Variants in PPP2R2B observed in about 807,000 individuals in gnomAD.
The protein encoded by PPP2R2B is serine/threonine-protein phosphatase 2A 55 kDa regulatory subunit B beta isoform.
A neutral mutation model predicts 46.0 loss-of-function variants in PPP2R2B; 5 were observed. The ratio of observed to expected loss-of-function variants is 0.11; its 90% CI spans 0.06 to 0.23. The LOEUF (loss-of-function observed/expected upper bound fraction) is 0.23. Ranked by LOEUF, PPP2R2B falls within the 10% of genes least tolerant of loss-of-function variation. PPP2R2B has a pLI of 1.00. For synonymous variants in PPP2R2B, 215 were observed against 206.7 expected, an observed-to-expected ratio of 1.04 and a Z score of -0.34; for missense variants, 367 against 575.0, an observed-to-expected ratio of 0.64 and a Z score of 3.70.
At chr5:146,930,378 A>T (rs1269020541) in intron 1 of PPP2R2B, among the ~76,000 whole-genome samples, 1 of 152,148 alleles carries the variant, frequency 6.6e-6, no homozygotes, top group Non-Finnish European at 1.5e-5. Flanking sequence ...GAAAAATAGC[A>T]TTTTTTGTAG....
At chr5:146,811,722 G>A (rs367974709) in intron 2 of PPP2R2B, among the ~76,000 whole-genome samples, 161 of 148,918 alleles carry the variant, frequency 1.1e-3, no homozygotes, top group African/African-American at 3.7e-3. Flanking sequence ...CACCACGCCC[G>A]GCTAATTTTT....
At chr5:146,945,364 A>G (rs1458860572) in intron 1 of PPP2R2B, among the ~76,000 whole-genome samples, 1 of 152,238 alleles carries the variant, frequency 6.6e-6, no homozygotes, top group Non-Finnish European at 1.5e-5. Flanking sequence ...GTGGATAATT[A>G]TTAACCAAAT....
intron 1 of PPP2R2B, among the ~76,000 whole-genome samples, chr5:146,944,066 T>G (rs926172330): frequency 2.0e-5 from 3 of 152,212 alleles, no homozygotes; most frequent in Admixed American, 6.5e-5. Context: ...TCCTCATCCT[T>G]ATCTCTTTAA....
rs750985171 is a variant in PPP2R2B at position 146,691,254 on chromosome 5, C to G, written c.335-14G>C. 2 of 1,607,230 alleles carry G rather than the reference C, an allele frequency of 1.2e-6. No individual in the cohort carries two copies. Among genetic ancestry groups the G allele is most frequent in the South Asian group, 2.2e-5 (2 of 90,860 alleles). ...TCACAGTTTTATCTGTAGTGGGCAA[C>G]CAGATTAAGTCAGAATTATAGTGAA... On this transcript the variant is annotated splice_polypyrimidine_tract_variant and intron_variant, in intron 4 of 9. Coordinates refer to ENST00000394411, the MANE Select transcript of PPP2R2B (RefSeq NM_181675.4).
intron 1 of PPP2R2B, among the ~76,000 whole-genome samples, chr5:146,956,791 C>T (rs1231463017): frequency 3.3e-5 from 5 of 152,156 alleles, no homozygotes; most frequent in Non-Finnish European, 7.4e-5. Flanking sequence ...GATTTGGTGT[C>T]TGATGAGGAC....
intron 1 of PPP2R2B, among the ~76,000 whole-genome samples, chr5:147,039,467 C>A (rs1028088835): frequency 6.6e-6 from 1 of 152,118 alleles, no homozygotes; most frequent in Non-Finnish European, 1.5e-5. Flanking sequence ...GGCTCTACTT[C>A]TGTGCAGGAT....
At chr5:146,698,369 T>C (rs1779330655) in intron 3 of PPP2R2B, among the ~76,000 whole-genome samples, 1 of 134,078 alleles carries the variant, frequency 7.5e-6, no homozygotes, top group African/African-American at 2.8e-5. Flanking sequence ...CATATAATTA[T>C]ACACATGAAC....
chr5:147,016,175 A>T (rs1009446730), intron 1 of PPP2R2B, among the ~76,000 whole-genome samples: 1 of 151,394 alleles, frequency 6.6e-6, no homozygotes, highest in Non-Finnish European at 1.5e-5. Flanking sequence ...TCTCTACAAA[A>T]TTTTTTTAGA....
intron 1 of PPP2R2B, among the ~76,000 whole-genome samples, chr5:146,959,938 C>T (rs188184687): frequency 2.0e-5 from 3 of 152,266 alleles, no homozygotes; most frequent in Admixed American, 1.3e-4. Context: ...ATTTCCCAAG[C>T]TAAGCATTTT....
intron 1 of PPP2R2B, among the ~76,000 whole-genome samples, chr5:147,054,416 A>C (rs761651436): frequency 4.6e-5 from 7 of 152,274 alleles, no homozygotes; most frequent in Non-Finnish European, 7.4e-5. Context: ...TCCACGAGGA[A>C]GAAAAGATTT....
At chr5:146,743,720 G>A (rs993398814) in intron 2 of PPP2R2B, among the ~76,000 whole-genome samples, 8 of 152,126 alleles carry the variant, frequency 5.3e-5, no homozygotes, top group Non-Finnish European at 8.8e-5. Context: ...CTTTGGAATA[G>A]GCCCTTTGCA....
At chr5:146,769,974 C>T (rs1399901487) in intron 2 of PPP2R2B, among the ~76,000 whole-genome samples, 8 of 151,888 alleles carry the variant, frequency 5.3e-5, no homozygotes, top group African/African-American at 1.5e-4. Flanking sequence ...TTTATCAAAA[C>T]GATGTTTGTC....
At chr5:146,684,907 A>G (rs1446835501) in intron 5 of PPP2R2B, among the ~76,000 whole-genome samples, 2 of 152,162 alleles carry the variant, frequency 1.3e-5, no homozygotes, top group Non-Finnish European at 2.9e-5. Flanking sequence ...GCCAGAAATT[A>G]TGTTCTAGGC....
intron 2 of PPP2R2B, among the ~76,000 whole-genome samples, chr5:146,744,594 C>T (rs1399291645): frequency 6.6e-6 from 1 of 152,186 alleles, no homozygotes; most frequent in African/African-American, 2.4e-5. Flanking sequence ...CCTGTGTGCT[C>T]CATCAGCACT....
intron 6 of PPP2R2B, among the ~76,000 whole-genome samples, chr5:146,647,328 A>T (rs1173693580): frequency 8.4e-6 from 1 of 118,454 alleles, no homozygotes; most frequent in African/African-American, 3.0e-5. Context: ...TCCTTTGTGA[A>T]TAAGGGGCAT....
chr5:146,767,078 A>C, intron 2 of PPP2R2B, among the ~76,000 whole-genome samples: 1 of 143,668 alleles, frequency 7.0e-6, no homozygotes, highest in African/African-American at 2.5e-5. Flanking sequence ...AAAAAGGCTC[A>C]GCAGAGACAG....
intron 4 of PPP2R2B, among the ~76,000 whole-genome samples, chr5:146,695,339 G>A (rs767430023): frequency 6.6e-6 from 1 of 151,816 alleles, no homozygotes; most frequent in Non-Finnish European, 1.5e-5. Context: ...AACAAATTCA[G>A]TATACCCCAC....
chr5:146,867,497 T>A (rs319225), intron 2 of PPP2R2B, among the ~76,000 whole-genome samples: 2 of 151,992 alleles, frequency 1.3e-5, no homozygotes, highest in Non-Finnish European at 2.9e-5. Context: ...GGGAATCTTT[T>A]GTATTTATTT....
At chr5:147,008,215 G>A (rs1222536950) in intron 1 of PPP2R2B, among the ~76,000 whole-genome samples, 1 of 152,106 alleles carries the variant, frequency 6.6e-6, no homozygotes, top group African/African-American at 2.4e-5. Context: ...GTAGTGACTA[G>A]TTGTCAAATT....
Sources: gnomAD v4.1 joint callset for allele counts (sites outside exome capture counted in the v4.1 genomes callset) on GRCh38, gnomAD v4.1.1 for gene constraint, MANE v1.5 for transcripts, NCBI Gene and HGNC (gene_info 2026-07-23, HGNC 2026-07-21) for gene names.